Variants in ZNF790 observed in about 807,000 individuals in gnomAD.
ZNF790 encodes zinc finger protein 790.
ZNF790 carries 8 observed loss-of-function variants against 12.1 expected under a neutral mutation model. The observed-to-expected ratio is 0.66, with a 90% CI of 0.39 to 1.19. The LOEUF is 1.19. ZNF790 is among the 50% of genes most tolerant of loss of function. The pLI is 0.01. For missense variants in ZNF790, 707 were observed against 752.2 expected, an observed-to-expected ratio of 0.94 and a Z score of 0.70; for synonymous variants, 252 against 244.3, an observed-to-expected ratio of 1.03 and a Z score of -0.29.
intron 3 of ZNF790, 139 bp from the exon 4 acceptor site, chr19:36,823,519 C>T: frequency 8.1e-7 from 1 of 1,240,234 alleles, no homozygotes; most frequent in Non-Finnish European, 1.1e-6. Flanking sequence ...GATGGAAGTG[C>T]CCACTGATGA....
chr19:36,821,879 G>A lies in ZNF790; in HGVS notation c.229+1406C>T, dbSNP rs149040905. 7.9e-5 allele frequency among the ~76,000 whole-genome samples: 12 copies of A among 152,250 alleles called. No individual in the cohort carries two copies. In the East Asian group the frequency reaches 1.9e-3, roughly 25 times the overall value. ...TGTGATTACAGGCATGAGCCACCGC[G>A]TCTGGCTGGGCTTGTCTTTTATGAC... On this transcript the variant is annotated intron_variant, in intron 4 of 4. Coordinates refer to ENST00000356725, the MANE Select transcript of ZNF790 (RefSeq NM_206894.4).
chr19:36,822,889 C>T (rs889308819), intron 4 of ZNF790, among the ~76,000 whole-genome samples: 2 of 151,260 alleles, frequency 1.3e-5, no homozygotes, highest in Non-Finnish European at 2.9e-5. Context: ...CTCACTCTGT[C>T]GACCAGACTG....
chr19:36,818,650 T>C lies in ZNF790; in HGVS notation c.1694A>G (p.Lys565Arg). The part of the protein sequence containing the change: ...IHTDAEPYGC[K>R]KSSHIFSHHS... ...GTGACTAAAGATGTGGCTACTTTTC[T>C]TGCATCCATAAGGTTCTGCATCAGT... Residue 565 changes from lysine to arginine, a missense_variant, in exon 5 of 5, where the codon AAG (lysine) becomes AGG (arginine). Transcript: ENST00000356725. 1.9e-6 allele frequency: 3 copies of C among 1,611,860 alleles called. No individual in the cohort carries two copies. Among genetic ancestry groups the C allele is most frequent in the Non-Finnish European group, 2.5e-6 (3 of 1,179,016 alleles).
At position 36,819,783 on chromosome 19, in the gene ZNF790, T is replaced by G; in HGVS notation, c.561A>C (p.Gln187His). 6.2e-7 allele frequency: 1 copy of G among 1,612,946 alleles called. No individual in the cohort carries two copies. Among genetic ancestry groups the G allele is most frequent in the Non-Finnish European group, 8.5e-7 (1 of 1,179,454 alleles). The change falls in exon 5 of 5, where the codon CAA becomes CAC. Residue 187 changes from glutamine (Q) to histidine (H), a missense_variant. Transcript: ENST00000356725. Reference sequence around the variant, plus strand: ...TCTCACTTGTGTGAATTAACTGATGTTGAGTATGATCTGAACCAGAAATAA... The same window carrying G: ...TCTCACTTGTGTGAATTAACTGATGGTGAGTATGATCTGAACCAGAAATAA... ...KAFISGSDHT[Q>H]HQLIHTSEKF...
chr19:36,817,825 G>A lies in ZNF790; in HGVS notation c.*608C>T, dbSNP rs762604429. ...CAAAATGAATTATATATAAATTCTT[G>A]TGGGTTTTTGTTTTTGAGATGGAGT... is the stretch of plus-strand genomic sequence containing the variant. On this transcript the variant is annotated 3_prime_UTR_variant, in exon 5 of 5. Coordinates refer to ENST00000356725, the MANE Select transcript of ZNF790 (RefSeq NM_206894.4). The A allele has an allele frequency of 1.3e-5, 2 of 152,060 alleles. No homozygotes were observed. The highest frequency in any genetic ancestry group is 2.4e-5 in the African/African-American group (1 of 41,412). 9.4% of individuals were successfully genotyped at this position (152,060 alleles called of 1,614,324 possible). A position where few individuals can be genotyped will look rare whatever the true frequency, so the allele number is the denominator to read the frequency against.
In ZNF790 at chr19:36,826,627, T is replaced by A. The variant is rs527892179; in HGVS notation, c.-73-935A>T. The stretch of plus-strand genomic sequence containing the variant: ...AGATAATTTTATAATTATCTATAAT[T>A]ATATATATAATAAAAATTATATATA... On this transcript the variant is annotated intron_variant, in intron 1 of 4. Transcript: ENST00000356725. Among the ~76,000 whole-genome samples, 361 of 145,982 alleles carry A rather than the reference T, an allele frequency of 2.5e-3. 13 individuals carry two copies. In the South Asian group the frequency reaches 0.055, roughly 22 times the overall value.
At position 36,823,765 on chromosome 19, in the gene ZNF790, A is replaced by T. The variant is rs772223943; in HGVS notation, c.35T>A (p.Val12Glu). ...CTCCCACTCCTCCTGAGAGAAATCTACAGCCACATCCCTGAACATCATCAA... is the reference window on the plus strand; with the variant it reads ...CTCCCACTCCTCCTGAGAGAAATCTTCAGCCACATCCCTGAACATCATCAA... ...AHLMMFRDVA[V>E]DFSQEEWECL... Residue 12 changes from valine to glutamate, a missense_variant, in exon 3 of 5, where the codon GTA (valine) becomes GAA (glutamate). Transcript: ENST00000356725. 2.5e-5 allele frequency: 40 copies of T among 1,612,568 alleles called. No homozygotes were observed. The highest frequency in any genetic ancestry group is 3.3e-5 in the Non-Finnish European group (39 of 1,179,606).
intron 1 of ZNF790, among the ~76,000 whole-genome samples, chr19:36,835,008 C>T (rs1354290715): frequency 6.6e-6 from 1 of 152,232 alleles, no homozygotes; most frequent in East Asian, 1.9e-4. Flanking sequence ...AAAATTTTGG[C>T]TGTGCACGGT....
intron 1 of ZNF790, among the ~76,000 whole-genome samples, chr19:36,849,150 C>T (rs2072214017): frequency 6.6e-6 from 1 of 152,084 alleles, no homozygotes; most frequent in South Asian, 2.1e-4. Flanking sequence ...TGGTCTCAAA[C>T]TCCTGAGCTC....
chr19:36,845,645 A>T (rs2072173416), intron 1 of ZNF790, among the ~76,000 whole-genome samples: 2 of 152,202 alleles, frequency 1.3e-5, no homozygotes, highest in African/African-American at 4.8e-5. Flanking sequence ...TCCTAGACTA[A>T]AAGAAAGAGG....
intron 1 of ZNF790, among the ~76,000 whole-genome samples, chr19:36,837,123 A>G (rs1466098424): frequency 5.3e-5 from 8 of 152,306 alleles, no homozygotes; most frequent in South Asian, 2.1e-4. Flanking sequence ...CTACTATAAG[A>G]AGTCCCAGAA....
intron 1 of ZNF790, among the ~76,000 whole-genome samples, chr19:36,835,779 T>A (rs2072033208): frequency 6.6e-6 from 1 of 151,352 alleles, no homozygotes; most frequent in Non-Finnish European, 1.5e-5. Context: ...CAACATTCCT[T>A]GGCTTAAGGC....
chr19:36,819,517 T>C lies in ZNF790; in HGVS notation c.827A>G (p.His276Arg), dbSNP rs747264646. ...HSQLSVHKRI[H>R]TGEKSYECKE... The stretch of plus-strand genomic sequence containing the variant: ...ACATTCATAAGATTTCTCACCAGTA[T>C]GAATTCGCTTATGGACACTAAGTTG... Residue 276 changes from histidine to arginine, a missense_variant, in exon 5 of 5, where the codon CAT becomes CGT. Coordinates refer to ENST00000356725, the MANE Select transcript of ZNF790 (RefSeq NM_206894.4). 1 of 1,613,020 alleles carries C rather than the reference T, an allele frequency of 6.2e-7. No homozygotes were observed. The highest frequency in any genetic ancestry group is 8.5e-7 in the Non-Finnish European group (1 of 1,179,344).
In ZNF790 at chr19:36,836,752, G is replaced by A. The variant is rs182785368; in HGVS notation, c.-74+1585C>T. On this transcript the variant is annotated intron_variant, in intron 1 of 4. Coordinates refer to ENST00000356725, the MANE Select transcript of ZNF790 (RefSeq NM_206894.4). Reference sequence around the variant, plus strand: ...CAGCCTGGTGACAGAACAAGACTCTGTCTCACAAAAATCAAAAAACAAAAC... The same window carrying A: ...CAGCCTGGTGACAGAACAAGACTCTATCTCACAAAAATCAAAAAACAAAAC... Among the ~76,000 whole-genome samples the A allele has an allele frequency of 9.5e-4, 144 of 152,210 alleles. 2 individuals are homozygous for A. Among genetic ancestry groups the A allele is most frequent in the Non-Finnish European group, 1.7e-3 (116 of 68,010 alleles).
chr19:36,833,013 CAG>C (rs1001679447), intron 1 of ZNF790, among the ~76,000 whole-genome samples: 10 of 147,020 alleles, frequency 6.8e-5, no homozygotes, highest in African/African-American at 2.2e-4. Context: ...GTAAGTCAAA[CAG>C]GGCAAAATGT....
At chr19:36,842,931 G>C (rs1745844724), upstream of ZNF790, among the ~76,000 whole-genome samples, 1 of 150,836 alleles carries the variant, frequency 6.6e-6, no homozygotes, top group African/African-American at 2.4e-5. Flanking sequence ...CTTGAACCCA[G>C]GAGGTGGAGG....
At chr19:36,831,759 A>C (rs1047629247) in intron 1 of ZNF790, among the ~76,000 whole-genome samples, 1 of 152,238 alleles carries the variant, frequency 6.6e-6, no homozygotes, top group Non-Finnish European at 1.5e-5. Context: ...CGATGGTTGT[A>C]GCTGTGTATC....
At chr19:36,841,798 G>T (rs1414677153), upstream of ZNF790, among the ~76,000 whole-genome samples, 1 of 136,792 alleles carries the variant, frequency 7.3e-6, no homozygotes, top group Non-Finnish European at 1.5e-5. Flanking sequence ...GCAGTGAGCC[G>T]AGATCACACC....
chr19:36,847,308 G>C (rs1365350974), intron 1 of ZNF790, among the ~76,000 whole-genome samples: 1 of 151,936 alleles, frequency 6.6e-6, no homozygotes. Context: ...CCGAGATTGC[G>C]CCACTGCACT....
Sources: gnomAD v4.1 joint callset for allele counts (sites outside exome capture counted in the v4.1 genomes callset) on GRCh38, gnomAD v4.1.1 for gene constraint, MANE v1.5 for transcripts, NCBI Gene and HGNC (gene_info 2026-07-23, HGNC 2026-07-21) for gene names.